PCDHGA2: variants seen among roughly 807,000 people sequenced by gnomAD.
The protein encoded by PCDHGA2 is protocadherin gamma-A2.
A neutral mutation model predicts 59.2 loss-of-function variants in PCDHGA2; 40 were observed. That is an observed-to-expected ratio of 0.68 (90% CI 0.52 to 0.88). The LOEUF is 0.88. Ranked by LOEUF, PCDHGA2 falls within the 40% of genes least tolerant of loss-of-function variation. The probability of loss-of-function intolerance (pLI) is 0.00; values close to 1 mark genes in which losing one functional copy is unlikely to be tolerated. For missense variants in PCDHGA2, 1,226 were observed against 1,204.0 expected, an observed-to-expected ratio of 1.02 and a Z score of -0.27; for synonymous variants, 560 against 526.0, an observed-to-expected ratio of 1.06 and a Z score of -0.89.
At chr5:141,372,417 C>G in intron 1 of PCDHGA2, 1 of 1,614,062 alleles carries the variant, frequency 6.2e-7, no homozygotes, top group Non-Finnish European at 8.5e-7. Flanking sequence ...ACAACCTGAC[C>G]TTAGCGACCG....
At chr5:141,421,081 A>G (rs775366249) in intron 1 of PCDHGA2, 61 of 637,820 alleles carry the variant, frequency 9.6e-5, no homozygotes, top group Non-Finnish European at 1.4e-4. Flanking sequence ...ATGGATACTC[A>G]CAGATCCTGA....
chr5:141,375,526 G>A (rs377448744), intron 1 of PCDHGA2: 1 of 1,614,008 alleles, frequency 6.2e-7, no homozygotes, highest in Non-Finnish European at 8.5e-7. Flanking sequence ...ACCCTGACGT[G>A]GACCAGAACG....
At chr5:141,410,636 T>G (rs1050547360) in intron 1 of PCDHGA2, 1 of 1,599,982 alleles carries the variant, frequency 6.3e-7, no homozygotes, top group Admixed American at 1.7e-5. Context: ...TTTCTCTTTT[T>G]TGTGTGTGAT....
chr5:141,352,563 C>T (rs1460025344), intron 1 of PCDHGA2: 3 of 1,613,816 alleles, frequency 1.9e-6, no homozygotes, highest in African/African-American at 1.3e-5. Context: ...AACCTGACAC[C>T]GGAAATGGCT....
intron 1 of PCDHGA2, chr5:141,419,023 A>C: frequency 6.2e-7 from 1 of 1,613,958 alleles, no homozygotes; most frequent in East Asian, 2.2e-5. Context: ...GCTTAAGTAG[A>C]GGTGTTCCAT....
In PCDHGA2 at chr5:141,431,450, A is replaced by G; in HGVS notation, c.2425-63357A>G. 2 of 1,613,740 alleles carry G rather than the reference A, an allele frequency of 1.2e-6. No individual in the cohort carries two copies. Among genetic ancestry groups the G allele is most frequent in the South Asian group, 1.1e-5 (1 of 91,082 alleles). Reference sequence around the variant, plus strand: ...CACAGGCACCGCGCGCATCCGCGTGATGGTTCTGGATGCGAACGACAACGC... The same window carrying G: ...CACAGGCACCGCGCGCATCCGCGTGGTGGTTCTGGATGCGAACGACAACGC... On this transcript the variant is annotated intron_variant, in intron 1 of 3. Coordinates refer to ENST00000394576, the MANE Select transcript of PCDHGA2 (RefSeq NM_018915.4). The surrounding 1 kb of genome is among the most constrained non-coding windows in gnomAD (Gnocchi z 4.8).
At chr5:141,440,382 C>T (rs898655247) in intron 1 of PCDHGA2, 2 of 152,178 alleles carry the variant, frequency 1.3e-5, no homozygotes, top group Non-Finnish European at 2.9e-5. Context: ...AGGAGAATCG[C>T]TTGAACCCGA....
At position 141,338,983 on chromosome 5, in the gene PCDHGA2, G is replaced by A; in HGVS notation, c.12G>A (p.Leu4=). 6.5e-7 allele frequency: 1 copy of A among 1,538,208 alleles called. No homozygotes were observed. Among genetic ancestry groups the A allele is most frequent in the Non-Finnish European group, 8.8e-7 (1 of 1,141,950 alleles). ...GCGACAGGAGGGAAATGGCGGCTCT[G>A]CAAAAGTTGCCACACTGCAGAAAGC... MAA[L]QKLPHCRKLV... Residue 4 remains leucine, a synonymous_variant, in exon 1 of 4, where the codon CTG becomes CTA. Transcript: ENST00000394576.
rs1561869034 is a variant in PCDHGA2 at position 141,433,357 on chromosome 5, G to GT, written c.2425-61450_2425-61449insT. On this transcript the variant is annotated intron_variant, in intron 1 of 3. Transcript: ENST00000394576. ...TACAGGTGCAAGCCACCTACTGTCT[G>GT]CCTATCTATCTATCTATCTATCTAT... 125 of 569,056 alleles carry GT rather than the reference G, an allele frequency of 2.2e-4. No homozygotes were observed. In the African/African-American group the frequency reaches 2.4e-3, roughly 11 times the overall value. The allele number at this position is 569,056 out of a possible 1,614,324, so 35.3% of individuals were successfully genotyped here. A position where few individuals can be genotyped will look rare whatever the true frequency, so the allele number is the denominator to read the frequency against.
chr5:141,339,395 A>C lies in PCDHGA2; in HGVS notation c.424A>C (p.Ile142Leu), dbSNP rs770951440. 1.2e-5 allele frequency: 19 copies of C among 1,614,120 alleles called. No individual in the cohort carries two copies. Among genetic ancestry groups the C allele is most frequent in the Middle Eastern group, 1.6e-4 (1 of 6,084 alleles). ...TGGAGTAGAGGAACTGGAGCTAAAA[A>C]TCAGTGAAACCACTACGCCAGGATT... ...RFGVEELELKISETTTPGFRI... is the reference protein window; with the variant it reads ...RFGVEELELKLSETTTPGFRI... The change falls in exon 1 of 4, where the codon ATC (isoleucine) becomes CTC (leucine). Residue 142 changes from isoleucine to leucine, a missense_variant. Ile to Leu is a conservative substitution (Grantham distance 5, BLOSUM62 2). Transcript: ENST00000394576.
At chr5:141,402,534 TAC>T (rs2094278313) in intron 1 of PCDHGA2, among the ~76,000 whole-genome samples, 1 of 152,346 alleles carries the variant, frequency 6.6e-6, no homozygotes, top group Non-Finnish European at 1.5e-5. Context: ...GATTTTATAA[TAC>T]ACTTACAGAA....
At chr5:141,385,079 C>A in intron 1 of PCDHGA2, 1 of 1,614,226 alleles carries the variant, frequency 6.2e-7, no homozygotes, top group Non-Finnish European at 8.5e-7. Context: ...CTGCTGCAGG[C>A]TTCAGAAGGT....
Position 141,491,713 on chromosome 5 carries a change from G to T in PCDHGA2, c.2425-3094G>T. The T allele has an allele frequency of 6.2e-7, 1 of 1,609,174 alleles. No individual in the cohort carries two copies. The highest frequency in any genetic ancestry group is 8.5e-7 in the Non-Finnish European group (1 of 1,178,054). On this transcript the variant is annotated intron_variant, in intron 1 of 3. Transcript: ENST00000394576. The surrounding 1 kb of genome is among the most constrained non-coding windows in gnomAD (Gnocchi z 6.9). ...GGAGCGGAGCCAGGTGAGGGGCTCG[G>T]CGCCGCCCCGGGCGACCCCTGGGGG...
chr5:141,476,672 A>T lies in PCDHGA2; in HGVS notation c.2425-18135A>T. 6.2e-7 allele frequency: 1 copy of T among 1,614,206 alleles called. No individual in the cohort carries two copies. Among genetic ancestry groups the T allele is most frequent in the African/African-American group, 1.3e-5 (1 of 75,058 alleles). ...TGAATACTTTGCGCTTCGCGTGCAG[A>T]CGCGGGAGGACAGCACCAAGTACGC... On this transcript the variant is annotated intron_variant, in intron 1 of 3. Transcript: ENST00000394576. The surrounding 1 kb of genome is among the most constrained non-coding windows in gnomAD (Gnocchi z 7.6).
chr5:141,434,564 A>C (rs2097703207), intron 1 of PCDHGA2, among the ~76,000 whole-genome samples: 1 of 152,228 alleles, frequency 6.6e-6, no homozygotes, highest in Admixed American at 6.5e-5. Context: ...CCTTAAGGAC[A>C]TGCCCCTGCT....
intron 1 of PCDHGA2, among the ~76,000 whole-genome samples, chr5:141,443,008 T>C (rs2098358096): frequency 1.3e-5 from 2 of 152,220 alleles, no homozygotes; most frequent in Admixed American, 1.3e-4. Context: ...TCTAAGAATA[T>C]GACTAATGGA....
At chr5:141,418,409 G>C in intron 1 of PCDHGA2, 4 of 1,613,910 alleles carry the variant, frequency 2.5e-6, no homozygotes, top group Admixed American at 1.7e-5. Context: ...GGTGGAGAAA[G>C]ACAATCCTGA....
intron 1 of PCDHGA2, chr5:141,370,796 C>A (rs1460787163): frequency 6.2e-7 from 1 of 1,614,006 alleles, no homozygotes; most frequent in Non-Finnish European, 8.5e-7. Flanking sequence ...CGACCTTTAG[C>A]CAAAATATCA....
chr5:141,422,580 C>T (rs1310564205), intron 1 of PCDHGA2: 10 of 1,613,934 alleles, frequency 6.2e-6, no homozygotes, highest in Non-Finnish European at 8.5e-6. Flanking sequence ...ATAACCCTCC[C>T]GTTTTTCCTC....
Sources: allele counts gnomAD v4.1 joint callset (sites outside exome capture counted in the v4.1 genomes callset), GRCh38; gene constraint gnomAD v4.1.1; non-coding constraint Gnocchi (gnomAD v3.1); transcripts MANE v1.5; gene names NCBI Gene and HGNC (gene_info 2026-07-23, HGNC 2026-07-21).